Variants in ARHGAP26 observed in about 807,000 individuals in gnomAD.
The protein encoded by ARHGAP26 is rho GTPase-activating protein 26.
A neutral mutation model predicts 104.8 loss-of-function variants in ARHGAP26; 38 were observed. The observed-to-expected ratio is 0.36, with a 90% CI of 0.28 to 0.48. ARHGAP26 has a LOEUF of 0.48. Ranked by LOEUF, ARHGAP26 falls within the 20% of genes least tolerant of loss-of-function variation. The probability of loss-of-function intolerance (pLI) is 0.99; values close to 1 mark genes in which losing one functional copy is unlikely to be tolerated. For synonymous variants in ARHGAP26, 341 were observed against 340.0 expected, an observed-to-expected ratio of 1.00 and a Z score of -0.03; for missense variants, 704 against 947.9, an observed-to-expected ratio of 0.74 and a Z score of 3.38.
intron 20 of ARHGAP26, among the ~76,000 whole-genome samples, chr5:143,150,066 C>T (rs912358468): frequency 6.6e-6 from 1 of 152,172 alleles, no homozygotes; most frequent in Non-Finnish European, 1.5e-5. Flanking sequence ...CTAAATCAGG[C>T]ATCAAAATTA....
Position 142,874,033 on chromosome 5 carries a change from T to C in ARHGAP26, c.250+538T>C, listed in dbSNP as rs536881147. ...GCTCCCTCTTCTGACCTGGCAGCAGTTGGCTGAGCTATGCGTCTGCCACTG... is the reference window on the plus strand; with the variant it reads ...GCTCCCTCTTCTGACCTGGCAGCAGCTGGCTGAGCTATGCGTCTGCCACTG... On this transcript the variant is annotated intron_variant, in intron 2 of 22. Coordinates refer to ENST00000645722, the MANE Select transcript of ARHGAP26 (RefSeq NM_001135608.3). Among the ~76,000 whole-genome samples, 8 of 152,322 alleles carry C rather than the reference T, an allele frequency of 5.3e-5. No individual in the cohort carries two copies. The South Asian group carries it at 1.5e-3, about 28-fold the overall frequency.
At chr5:143,017,034 CTTT>C (rs1196858333) in intron 12 of ARHGAP26, among the ~76,000 whole-genome samples, 1 of 152,184 alleles carries the variant, frequency 6.6e-6, no homozygotes, top group East Asian at 1.9e-4. Flanking sequence ...AATCTAAACT[CTTT>C]TAAAGATATG....
intron 20 of ARHGAP26, 119 bp from the exon 21 acceptor site, chr5:143,207,079 G>A (rs189382467): frequency 8.2e-7 from 1 of 1,221,662 alleles, no homozygotes; most frequent in East Asian, 2.4e-5. Context: ...GCACATCCCT[G>A]GGTTTCGGTG....
intron 17 of ARHGAP26, among the ~76,000 whole-genome samples, chr5:143,083,181 G>A (rs1790059506): frequency 6.6e-6 from 1 of 152,162 alleles, no homozygotes; most frequent in East Asian, 1.9e-4. Flanking sequence ...TCCTAGCTAT[G>A]AGCTAGTTTA....
intron 14 of ARHGAP26, among the ~76,000 whole-genome samples, chr5:143,044,753 A>G (rs1783985839): frequency 6.6e-6 from 1 of 152,220 alleles, no homozygotes; most frequent in Non-Finnish European, 1.5e-5. Context: ...CATTAGGAGC[A>G]TATTGTTGGC....
At chr5:143,009,812 G>A (rs950434706) in intron 11 of ARHGAP26, among the ~76,000 whole-genome samples, 2 of 152,190 alleles carry the variant, frequency 1.3e-5, no homozygotes, top group Non-Finnish European at 2.9e-5. Context: ...CCAAGTTTTA[G>A]AGTACTCAGA....
intron 17 of ARHGAP26, among the ~76,000 whole-genome samples, chr5:143,060,765 A>G (rs1786586427): frequency 6.6e-6 from 1 of 152,024 alleles, no homozygotes; most frequent in African/African-American, 2.4e-5. Flanking sequence ...CTGCCTGGGA[A>G]TCTGCATTTC....
chr5:142,816,907 GA>G (rs937033101), intron 1 of ARHGAP26, among the ~76,000 whole-genome samples: 1 of 152,118 alleles, frequency 6.6e-6, no homozygotes, highest in Non-Finnish European at 1.5e-5. Flanking sequence ...GCGGGAGGGG[GA>G]GCAGGTAGGA....
chr5:142,783,699 G>T (rs1757972794), intron 1 of ARHGAP26, among the ~76,000 whole-genome samples: 1 of 152,190 alleles, frequency 6.6e-6, no homozygotes, highest in Non-Finnish European at 1.5e-5. Context: ...TCTGATCTCA[G>T]CTGGTTCTCA....
chr5:143,187,741 C>T (rs570760555), intron 20 of ARHGAP26, among the ~76,000 whole-genome samples: 15 of 152,352 alleles, frequency 9.8e-5, no homozygotes, highest in African/African-American at 3.6e-4. Flanking sequence ...ATCAGGGCTG[C>T]CCTTGCAGGA....
chr5:143,161,650 A>G (rs1801254630), intron 20 of ARHGAP26, among the ~76,000 whole-genome samples: 2 of 152,088 alleles, frequency 1.3e-5, no homozygotes, highest in Admixed American at 6.6e-5. Flanking sequence ...AATCACCCAT[A>G]TTTGTCACCA....
intron 17 of ARHGAP26, among the ~76,000 whole-genome samples, chr5:143,089,987 T>C (rs1791172158): frequency 6.6e-6 from 1 of 152,200 alleles, no homozygotes; most frequent in African/African-American, 2.4e-5. Flanking sequence ...TCCACCACAA[T>C]ACCACCACAC....
At chr5:143,041,239 C>A (rs953748506) in intron 13 of ARHGAP26, among the ~76,000 whole-genome samples, 2 of 151,862 alleles carry the variant, frequency 1.3e-5, no homozygotes, top group African/African-American at 4.8e-5. Flanking sequence ...AAAAGTAAAC[C>A]CTTACTAGTC....
chr5:142,865,354 A>G (rs1754073317), intron 1 of ARHGAP26, among the ~76,000 whole-genome samples: 1 of 152,120 alleles, frequency 6.6e-6, no homozygotes, highest in African/African-American at 2.4e-5. Flanking sequence ...TTAACTCTCA[A>G]TGTTCTTATG....
At chr5:142,781,206 C>T (rs1258915787) in intron 1 of ARHGAP26, among the ~76,000 whole-genome samples, 1 of 151,956 alleles carries the variant, frequency 6.6e-6, no homozygotes, top group Non-Finnish European at 1.5e-5. Context: ...GCAGTGTGGT[C>T]ACTAATGATC....
At chr5:143,019,347 A>G (rs916677661) in intron 12 of ARHGAP26, among the ~76,000 whole-genome samples, 2 of 151,808 alleles carry the variant, frequency 1.3e-5, no homozygotes, top group African/African-American at 4.8e-5. Flanking sequence ...CGTCCCTTTC[A>G]TTATTACAAA....
intron 1 of ARHGAP26, among the ~76,000 whole-genome samples, chr5:142,858,511 C>T (rs1229109167): frequency 2.6e-5 from 4 of 152,038 alleles, no homozygotes; most frequent in Non-Finnish European, 5.9e-5. Context: ...TTAACATTCC[C>T]TTTTTAGAAA....
chr5:142,904,228 C>T (rs1413708597), intron 8 of ARHGAP26, among the ~76,000 whole-genome samples: 2 of 151,984 alleles, frequency 1.3e-5, no homozygotes, highest in African/African-American at 2.4e-5. Flanking sequence ...CGGTGGCTCA[C>T]GTCTGTAATC....
chr5:142,804,235 C>T (rs778368285), intron 1 of ARHGAP26, among the ~76,000 whole-genome samples: 5 of 152,152 alleles, frequency 3.3e-5, no homozygotes, highest in Non-Finnish European at 5.9e-5. Flanking sequence ...ATCCAAAGAA[C>T]GAGACCCAAT....
Sources: gnomAD v4.1 joint callset for allele counts (sites outside exome capture counted in the v4.1 genomes callset) on GRCh38, gnomAD v4.1.1 for gene constraint, MANE v1.5 for transcripts, NCBI Gene and HGNC (gene_info 2026-07-23, HGNC 2026-07-21) for gene names.